Variants in IFT57 observed in about 807,000 individuals in gnomAD.
The protein encoded by IFT57 is intraflagellar transport 57, also known as intraflagellar transport protein 57 homolog.
Under a neutral mutation model 56.8 loss-of-function variants are expected in IFT57, and 59 were observed. That is an observed-to-expected ratio of 1.04 (90% CI 0.84 to 1.29). IFT57 has a LOEUF of 1.29. Among genes scored for constraint, IFT57 ranks in the 50% most tolerant of loss-of-function variants. The pLI, the probability that IFT57 is intolerant of heterozygous loss-of-function variation, is 0.00. For synonymous variants in IFT57, 209 were observed against 186.1 expected, an observed-to-expected ratio of 1.12 and a Z score of -1.00; for missense variants, 470 against 522.1, an observed-to-expected ratio of 0.90 and a Z score of 0.97.
chr3:108,194,163 C>T (rs2080230733), intron 5 of IFT57, among the ~76,000 whole-genome samples: 1 of 152,110 alleles, frequency 6.6e-6, no homozygotes, highest in South Asian at 2.1e-4. Context: ...TTATAGGGAA[C>T]AAAATCAATA....
chr3:108,165,935 G>A (rs1309932047), intron 8 of IFT57, among the ~76,000 whole-genome samples: 1 of 152,028 alleles, frequency 6.6e-6, no homozygotes, highest in African/African-American at 2.4e-5. Context: ...ACTGGAGTAT[G>A]TCAGAAACTA....
intron 4 of IFT57, among the ~76,000 whole-genome samples, chr3:108,207,820 G>C (rs1309896732): frequency 1.3e-5 from 2 of 152,230 alleles, no homozygotes; most frequent in East Asian, 3.9e-4. Context: ...GAGGCAGGCG[G>C]ATCACGAGGT....
chr3:108,172,110 T>A (rs2080096282), intron 6 of IFT57, among the ~76,000 whole-genome samples: 1 of 151,854 alleles, frequency 6.6e-6, no homozygotes, highest in Non-Finnish European at 1.5e-5. Flanking sequence ...CCTGACTCAT[T>A]TAGGTATAAC....
intron 4 of IFT57, among the ~76,000 whole-genome samples, chr3:108,213,294 G>GT (rs138603582): frequency 0.091 from 13,825 of 151,198 alleles, 691 homozygotes; most frequent in Middle Eastern, 0.11. Flanking sequence ...ATACTATAAA[G>GT]TTTGTTTTTT....
chr3:108,215,372 G>A (rs986995707), intron 3 of IFT57, among the ~76,000 whole-genome samples: 27 of 151,986 alleles, frequency 1.8e-4, no homozygotes, highest in Non-Finnish European at 1.5e-5. Context: ...GACCAGCCTG[G>A]GCAACATGGT....
At chr3:108,169,418 TC>T (rs2080080967) in intron 6 of IFT57, among the ~76,000 whole-genome samples, 1 of 152,010 alleles carries the variant, frequency 6.6e-6, no homozygotes, top group Admixed American at 6.6e-5. Flanking sequence ...GCAAAAATTT[TC>T]TCCCATTCTC....
chr3:108,162,875 C>T (rs557452961), intron 10 of IFT57, among the ~76,000 whole-genome samples: 175 of 152,150 alleles, frequency 1.2e-3, no homozygotes, highest in African/African-American at 3.9e-3. Context: ...TGAGACTAAA[C>T]TTTCTTCCTT....
At chr3:108,205,548 T>C (rs1392589673) in intron 5 of IFT57, among the ~76,000 whole-genome samples, 4 of 151,092 alleles carry the variant, frequency 2.6e-5, no homozygotes, top group Non-Finnish European at 5.9e-5. Flanking sequence ...GATGCCTTAG[T>C]ATTATTAATC....
chr3:108,165,479 G>A lies in IFT57; in HGVS notation c.996C>T (p.Tyr332=). 1.9e-6 allele frequency: 3 copies of A among 1,612,556 alleles called. No homozygotes were observed. The highest frequency in any genetic ancestry group is 2.5e-6 in the Non-Finnish European group (3 of 1,178,914). ...QAQLSEAKER[Y]QQGNGGVTER... ...CCGTCACTCCTCCATTTCCCTGCTG[G>A]TATCGCTCCTTTGCCTGAGAGGAAA... The change falls in exon 9 of 11, where the codon TAC becomes TAT. Residue 332 remains tyrosine, a synonymous_variant. Transcript: ENST00000264538.
intron 10 of IFT57, 31 bp downstream of exon 10, chr3:108,163,632 A>T: frequency 6.7e-7 from 1 of 1,501,028 alleles, no homozygotes. Flanking sequence ...TCTCTTGCTC[A>T]GTTTTTCCCC....
chr3:108,172,387 G>C (rs1314502626), intron 6 of IFT57, among the ~76,000 whole-genome samples: 2 of 151,956 alleles, frequency 1.3e-5, no homozygotes, highest in African/African-American at 2.4e-5. Context: ...TAGATCAAGG[G>C]CTTTGCTTAT....
At position 108,165,483 on chromosome 3, in the gene IFT57, C is replaced by T. The variant is rs749806214; in HGVS notation, c.992G>A (p.Arg331Gln). 16 of 1,612,314 alleles carry T rather than the reference C, an allele frequency of 9.9e-6. No homozygotes were observed. Among genetic ancestry groups the T allele is most frequent in the South Asian group, 9.9e-5 (9 of 91,058 alleles). Residue 331 changes from arginine (R) to glutamine (Q), a missense_variant, in exon 9 of 11, where the codon CGA becomes CAA. Transcript: ENST00000264538. ...CACTCCTCCATTTCCCTGCTGGTAT[C>T]GCTCCTTTGCCTGAGAGGAAAAACA... is the stretch of plus-strand genomic sequence containing the variant. Reference protein sequence around the residue: ...AQAQLSEAKERYQQGNGGVTE... With the variant: ...AQAQLSEAKEQYQQGNGGVTE...
At chr3:108,170,733 G>C (rs984713422) in intron 6 of IFT57, among the ~76,000 whole-genome samples, 1 of 149,604 alleles carries the variant, frequency 6.7e-6, no homozygotes, top group Non-Finnish European at 1.5e-5. Context: ...GAGGCATCAT[G>C]CTACTTGACT....
intron 1 of IFT57, 40 bp from the exon 2 acceptor site, chr3:108,219,612 A>G: frequency 6.3e-7 from 1 of 1,593,542 alleles, no homozygotes. Context: ...GATGTGAAAT[A>G]ATGCAAATAA....
At chr3:108,219,701 G>A (rs1022013898) in intron 1 of IFT57, 129 bp from the exon 2 acceptor site, 11 of 891,902 alleles carry the variant, frequency 1.2e-5, no homozygotes, top group South Asian at 5.2e-5. Context: ...AAAAGACCTC[G>A]ATAATTCACC....
At chr3:108,198,286 G>A (rs947713916) in intron 5 of IFT57, among the ~76,000 whole-genome samples, 1 of 152,034 alleles carries the variant, frequency 6.6e-6, no homozygotes, top group African/African-American at 2.4e-5. Flanking sequence ...TTAACTTAAC[G>A]GTGTTCCCCA....
chr3:108,207,325 C>G (rs1043250981), intron 4 of IFT57, among the ~76,000 whole-genome samples: 1 of 152,138 alleles, frequency 6.6e-6, no homozygotes, highest in African/African-American at 2.4e-5. Flanking sequence ...GAAAGTGACC[C>G]TTTGAGAGCC....
intron 3 of IFT57, among the ~76,000 whole-genome samples, chr3:108,217,755 AT>A (rs1344574528): frequency 1.3e-5 from 2 of 151,198 alleles, no homozygotes; most frequent in African/African-American, 4.8e-5. Context: ...GCTTACTCGC[AT>A]TTTACCTGAA....
At chr3:108,201,222 G>A (rs187906443) in intron 5 of IFT57, among the ~76,000 whole-genome samples, 2 of 152,224 alleles carry the variant, frequency 1.3e-5, no homozygotes, top group Admixed American at 6.5e-5. Context: ...AGATCTGGAA[G>A]GGACCTTGAA....
Sources: gnomAD v4.1 joint callset for allele counts (sites outside exome capture counted in the v4.1 genomes callset) on GRCh38, gnomAD v4.1.1 for gene constraint, MANE v1.5 for transcripts, NCBI Gene and HGNC (gene_info 2026-07-23, HGNC 2026-07-21) for gene names.